Variants in PIGL observed in about 807,000 individuals in gnomAD.
PIGL encodes phosphatidylinositol glycan anchor biosynthesis class L, also known as N-acetylglucosaminyl-phosphatidylinositol de-N-acetylase.
PIGL carries 22 observed loss-of-function variants against 31.1 expected under a neutral mutation model. The observed-to-expected ratio is 0.71, with a 90% confidence interval of 0.51 to 1.01. The LOEUF (loss-of-function observed/expected upper bound fraction) is 1.01, where lower values mean the gene tolerates loss of function less well. Among genes scored for constraint, PIGL ranks in the 50% least tolerant of loss-of-function variants. PIGL has a pLI of 0.00. For missense variants in PIGL, 302 were observed against 315.9 expected (o/e 0.96, Z 0.33); for synonymous variants, 131 against 117.4 (o/e 1.12, Z -0.75).
rs566508009 is a variant in PIGL, at chr17:16,258,496, A to T, written c.335+24426A>T. ...CCTGGCCTCTTTTATTTTTATTTTTATTTATTTATTTATTTATTTATTTTG... is the reference window on the plus strand; with the variant it reads ...CCTGGCCTCTTTTATTTTTATTTTTTTTTATTTATTTATTTATTTATTTTG... On this transcript the variant is annotated intron_variant, in intron 2 of 6. Transcript: ENST00000225609. 3.1e-3 allele frequency among the ~76,000 whole-genome samples: 449 copies of T among 142,578 alleles called. 4 individuals are homozygous for T. Among genetic ancestry groups the T allele is most frequent in the African/African-American group, 0.01 (399 of 38,404 alleles). 93.5% of individuals were successfully genotyped at this position (142,578 alleles called of 152,430 possible). A position where few individuals can be genotyped will look rare whatever the true frequency, so the allele number is the denominator to read the frequency against.
rs370819797 is a variant in PIGL, at chr17:16,258,878, C to T, written c.335+24808C>T. Among the ~76,000 whole-genome samples, 55 of 152,184 alleles carry T rather than the reference C, an allele frequency of 3.6e-4. No homozygotes were observed. The East Asian group carries it at 6.7e-3, about 19-fold the overall frequency. On this transcript the variant is annotated intron_variant, in intron 2 of 6. Transcript: ENST00000225609. ...GCCTCTACAAAAATTGTACTGGGACCAAAAACTTTGTATATGAGACAACAA... is the reference window on the plus strand; with the variant it reads ...GCCTCTACAAAAATTGTACTGGGACTAAAAACTTTGTATATGAGACAACAA...
intron 1 of PIGL, among the ~76,000 whole-genome samples, chr17:16,226,659 G>A (rs887267425): frequency 4.6e-5 from 7 of 152,134 alleles, no homozygotes; most frequent in Non-Finnish European, 8.8e-5. Context: ...TTCTTAGGGG[G>A]TGACATTTTT....
chr17:16,255,333 T>G (rs1263770576), intron 2 of PIGL, among the ~76,000 whole-genome samples: 1 of 152,238 alleles, frequency 6.6e-6, no homozygotes, highest in Non-Finnish European at 1.5e-5. Flanking sequence ...TCTACAGATT[T>G]GGCTCCATTG....
chr17:16,302,983 CT>C, intron 3 of PIGL, among the ~76,000 whole-genome samples: 1 of 152,158 alleles, frequency 6.6e-6, no homozygotes, highest in African/African-American at 2.4e-5. Context: ...CAACGTTGGT[CT>C]TTGCCGAGGG....
chr17:16,239,709 A>G lies in PIGL; in HGVS notation c.335+5639A>G, dbSNP rs150010061. ...AGAGATCAAGATTGTAGATGAGTCTATTGTCTTTGTCCCAGTGGAGGGAGG... is the reference window on the plus strand; with the variant it reads ...AGAGATCAAGATTGTAGATGAGTCTGTTGTCTTTGTCCCAGTGGAGGGAGG... On this transcript the variant is annotated intron_variant, in intron 2 of 6. Transcript: ENST00000225609. Among the ~76,000 whole-genome samples, 41 of 152,162 alleles carry G rather than the reference A, an allele frequency of 2.7e-4. 1 individual carries two copies. The highest frequency in any genetic ancestry group is 9.6e-4 in the African/African-American group (40 of 41,516).
chr17:16,290,538 T>G (rs1225312314), intron 2 of PIGL, among the ~76,000 whole-genome samples: 1 of 151,476 alleles, frequency 6.6e-6, no homozygotes, highest in African/African-American at 2.4e-5. Context: ...GGACTACAGG[T>G]GCATGCCACT....
intron 4 of PIGL, among the ~76,000 whole-genome samples, chr17:16,316,453 G>A (rs2093077261): frequency 1.3e-5 from 2 of 152,178 alleles, no homozygotes; most frequent in East Asian, 1.9e-4. Flanking sequence ...CCACAGACCA[G>A]CCTCTGGATT....
intron 3 of PIGL, among the ~76,000 whole-genome samples, chr17:16,304,867 T>C (rs2093020098): frequency 6.6e-6 from 1 of 152,208 alleles, no homozygotes; most frequent in African/African-American, 2.4e-5. Context: ...TACAGCACTA[T>C]TGCGCATTTG....
At position 16,286,669 on chromosome 17, in the gene PIGL, A is replaced by G. The variant is rs1238065096; in HGVS notation, c.336-13219A>G. 2.0e-5 allele frequency among the ~76,000 whole-genome samples: 3 copies of G among 152,212 alleles called. No individual in the cohort carries two copies. The East Asian group carries it at 5.8e-4, about 29-fold the overall frequency. On this transcript the variant is annotated intron_variant, in intron 2 of 6. Transcript: ENST00000225609. ...TATTAACACTGTGTTTGCTAAATAC[A>G]CCCCAGGGAAGGAGTCGTCGGGCTT...
At chr17:16,265,569 C>G (rs1292484769) in intron 2 of PIGL, among the ~76,000 whole-genome samples, 1 of 151,832 alleles carries the variant, frequency 6.6e-6, no homozygotes, top group Admixed American at 6.6e-5. Context: ...AGTGAAACCC[C>G]TCTCTACTAA....
At chr17:16,317,438 G>A (rs1600864314) in intron 5 of PIGL, 1 of 1,038,230 alleles carries the variant, frequency 9.6e-7, no homozygotes, top group East Asian at 7.3e-5. Flanking sequence ...GACAGAGCTG[G>A]AACCAGGTCT....
At chr17:16,305,038 A>G (rs889932302) in intron 3 of PIGL, among the ~76,000 whole-genome samples, 2 of 151,990 alleles carry the variant, frequency 1.3e-5, no homozygotes, top group Admixed American at 1.3e-4. Flanking sequence ...TGTAATTCCA[A>G]CACTTTGGGA....
At chr17:16,317,568 C>A in intron 5 of PIGL, 1 of 1,360,522 alleles carries the variant, frequency 7.4e-7, no homozygotes, top group East Asian at 2.7e-5. Flanking sequence ...TAGAGGGTAG[C>A]CAGCCAGGTC....
At chr17:16,298,907 A>G (rs1407061504) in intron 2 of PIGL, among the ~76,000 whole-genome samples, 1 of 152,126 alleles carries the variant, frequency 6.6e-6, no homozygotes, top group Admixed American at 6.6e-5. Flanking sequence ...GGGTGCCTGT[A>G]ATCCCAGCTA....
intron 1 of PIGL, among the ~76,000 whole-genome samples, chr17:16,220,486 T>A (rs1393418570): frequency 0.02 from 2,637 of 134,390 alleles, 123 homozygotes; most frequent in East Asian, 0.05. Flanking sequence ...TGTTATTTTT[T>A]TTTTTTTTTT....
chr17:16,243,250 A>G (rs1453684975), intron 2 of PIGL, among the ~76,000 whole-genome samples: 1 of 152,066 alleles, frequency 6.6e-6, no homozygotes, highest in Non-Finnish European at 1.5e-5. Flanking sequence ...GGGTTTCACC[A>G]TGTTGGCCAG....
At chr17:16,274,851 G>A (rs2092887759) in intron 2 of PIGL, among the ~76,000 whole-genome samples, 1 of 151,964 alleles carries the variant, frequency 6.6e-6, no homozygotes. Context: ...GGCCAACATG[G>A]CAAAACCCCG....
intron 2 of PIGL, among the ~76,000 whole-genome samples, chr17:16,277,839 C>T (rs1488838216): frequency 6.6e-6 from 1 of 152,132 alleles, no homozygotes; most frequent in African/African-American, 2.4e-5. Context: ...ACAATTTTTA[C>T]ATAACAATTA....
At chr17:16,312,927 A>AGGGG (rs1568842468) in intron 3 of PIGL, 6 of 116,592 alleles carry the variant, frequency 5.1e-5, no homozygotes, top group Non-Finnish European at 6.3e-5. Flanking sequence ...GGGGAGGGGG[A>AGGGG]AGGGGGGGGG....
Sources: gnomAD v4.1 joint callset for allele counts (sites outside exome capture counted in the v4.1 genomes callset) on GRCh38, gnomAD v4.1.1 for gene constraint, MANE v1.5 for transcripts, NCBI Gene and HGNC (gene_info 2026-07-23, HGNC 2026-07-21) for gene names.